MLIP: variants seen among roughly 807,000 people sequenced by gnomAD.
The protein encoded by MLIP is muscular LMNA interacting protein.
Under a neutral mutation model 84.8 loss-of-function variants are expected in MLIP, and 79 were observed. That is an observed-to-expected ratio of 0.93 (90% CI 0.78 to 1.12). The LOEUF (loss-of-function observed/expected upper bound fraction) is 1.12. MLIP is among the 50% of genes most tolerant of loss of function. The pLI is 0.00. For synonymous variants in MLIP, 504 were observed against 463.0 expected (o/e 1.09, Z -1.14); for missense variants, 1,257 against 1,160.6 (o/e 1.08, Z -1.21).
intron 1 of MLIP, among the ~76,000 whole-genome samples, chr6:54,066,896 C>G (rs1766248839): frequency 1.0e-5 from 1 of 98,032 alleles, no homozygotes; most frequent in African/African-American, 2.6e-5. Context: ...AAATGGGAGT[C>G]AATTAAAAAA....
At chr6:54,224,062 A>G (rs2150780322) in intron 11 of MLIP, among the ~76,000 whole-genome samples, 1 of 152,166 alleles carries the variant, frequency 6.6e-6, no homozygotes, top group East Asian at 1.9e-4. Flanking sequence ...ATTTAAGGAG[A>G]AAATCCTTAT....
chr6:54,027,436 C>A (rs558216873), intron 1 of MLIP, among the ~76,000 whole-genome samples: 3 of 150,682 alleles, frequency 2.0e-5, no homozygotes, highest in African/African-American at 7.3e-5. Context: ...TACATAAAAT[C>A]TGTGTGTTAA....
chr6:54,114,774 C>T (rs538022660), intron 1 of MLIP, among the ~76,000 whole-genome samples: 1 of 152,222 alleles, frequency 6.6e-6, no homozygotes, highest in South Asian at 2.1e-4. Context: ...AGAATAGTGC[C>T]TAGCATTTAG....
chr6:54,165,035 CTTA>C (rs1197438745), intron 8 of MLIP, among the ~76,000 whole-genome samples: 4 of 152,016 alleles, frequency 2.6e-5, no homozygotes, highest in Middle Eastern at 3.4e-3. Context: ...TTTCAGATGT[CTTA>C]TTATGTTTCC....
intron 5 of MLIP, among the ~76,000 whole-genome samples, chr6:54,156,806 C>T (rs775788708): frequency 2.6e-5 from 4 of 152,034 alleles, no homozygotes; most frequent in Non-Finnish European, 5.9e-5. Context: ...AGATAAATAT[C>T]ATATTTTCTG....
upstream of MLIP, among the ~76,000 whole-genome samples, chr6:54,109,612 C>G (rs551257895): frequency 2.2e-3 from 328 of 152,194 alleles, 1 homozygote; most frequent in Non-Finnish European, 3.6e-3. Context: ...GTTTCCCTTT[C>G]CCCGTTCTTC....
chr6:54,150,088 T>C (rs531849012), intron 5 of MLIP, among the ~76,000 whole-genome samples: 7 of 152,294 alleles, frequency 4.6e-5, no homozygotes, highest in African/African-American at 1.4e-4. Context: ...TTTATAAATC[T>C]ACATTCTTAT....
chr6:54,046,164 C>A (rs1432518509), intron 1 of MLIP: 1 of 151,996 alleles, frequency 6.6e-6, no homozygotes, highest in Admixed American at 6.6e-5. Context: ...TATCTCTTTT[C>A]CCCCAAGAGT....
At chr6:54,029,917 T>A (rs1764029575) in intron 1 of MLIP, among the ~76,000 whole-genome samples, 1 of 152,150 alleles carries the variant, frequency 6.6e-6, no homozygotes, top group African/African-American at 2.4e-5. Context: ...TTCTCATGTG[T>A]ATAATGGGCT....
At chr6:54,261,503 C>T (rs1468409769) in intron 13 of MLIP, 2 of 860,170 alleles carry the variant, frequency 2.3e-6, no homozygotes, top group Non-Finnish European at 2.8e-6. Flanking sequence ...TTTCTTATTC[C>T]TTCTCTTTGC....
At chr6:54,033,021 T>G (rs9474705) in intron 1 of MLIP, among the ~76,000 whole-genome samples, 4,389 of 152,286 alleles carry the variant, frequency 0.029, 195 homozygotes, top group African/African-American at 0.098. Flanking sequence ...AGTCTAAATA[T>G]TTCAGGACAT....
rs545233805 is a variant in MLIP, at chr6:54,209,956, A to G, written c.2718+7723A>G. ...AAATTGTCATTACTTGTGTTTTCCT[A>G]TACATTCATCTGTGTGAAAGCCTTT... On this transcript the variant is annotated intron_variant, in intron 11 of 13. Transcript: ENST00000502396. Among the ~76,000 whole-genome samples, 55 of 148,378 alleles carry G rather than the reference A, an allele frequency of 3.7e-4. No homozygotes were observed. The South Asian group carries it at 0.011, about 30-fold the overall frequency.
In MLIP at chr6:54,048,014, G is replaced by A. The variant is rs918632239; in HGVS notation, c.63+28923G>A. ...TATAGTAAGTGGTTGATGAGAGAGGGGGAGCAGTGCATAGGACCCCTCTTT... is the reference window on the plus strand; with the variant it reads ...TATAGTAAGTGGTTGATGAGAGAGGAGGAGCAGTGCATAGGACCCCTCTTT... On this transcript the variant is annotated intron_variant, in intron 1 of 12. Coordinates refer to the MLIP transcript ENST00000274897. Among the ~76,000 whole-genome samples, 8 of 152,280 alleles carry A rather than the reference G, an allele frequency of 5.3e-5. No individual in the cohort carries two copies. In the East Asian group the frequency reaches 1.4e-3, roughly 26 times the overall value.
At position 54,035,659 on chromosome 6, in the gene MLIP, T is replaced by A. The variant is rs150528590; in HGVS notation, c.63+16568T>A. 1.4e-3 allele frequency among the ~76,000 whole-genome samples: 210 copies of A among 152,170 alleles called. 1 individual carries two copies. The highest frequency in any genetic ancestry group is 4.8e-3 in the African/African-American group (201 of 41,560). On this transcript the variant is annotated intron_variant, in intron 1 of 12. Coordinates refer to the MLIP transcript ENST00000274897. ...TTATTATTTTTTGTTTTAGCTATTTTAATAGGTGTGTGGTGGTATCTTATC... is the reference window on the plus strand; with the variant it reads ...TTATTATTTTTTGTTTTAGCTATTTAAATAGGTGTGTGGTGGTATCTTATC...
chr6:54,166,104 G>A (rs960541574), intron 8 of MLIP, among the ~76,000 whole-genome samples: 4 of 151,916 alleles, frequency 2.6e-5, no homozygotes, highest in Non-Finnish European at 5.9e-5. Context: ...CGGCCCAAAT[G>A]TGCTAAGACC....
intron 11 of MLIP, among the ~76,000 whole-genome samples, chr6:54,224,266 T>C: frequency 6.6e-6 from 1 of 151,382 alleles, no homozygotes; most frequent in East Asian, 1.9e-4. Flanking sequence ...AACATGAAAA[T>C]AACTAACAAT....
chr6:54,118,243 A>G (rs1345499691), intron 1 of MLIP, among the ~76,000 whole-genome samples: 1 of 152,218 alleles, frequency 6.6e-6, no homozygotes, highest in East Asian at 1.9e-4. Flanking sequence ...AGCTGGAGGG[A>G]TCACACTGCC....
chr6:54,139,125 T>C (rs1210215788), intron 4 of MLIP, among the ~76,000 whole-genome samples: 2 of 152,198 alleles, frequency 1.3e-5, no homozygotes, highest in Non-Finnish European at 2.9e-5. Flanking sequence ...ATACTAGCTT[T>C]CTTTAGAGTG....
At chr6:54,115,809 A>G (rs986616399) in intron 1 of MLIP, among the ~76,000 whole-genome samples, 2 of 152,222 alleles carry the variant, frequency 1.3e-5, no homozygotes, top group Non-Finnish European at 2.9e-5. Flanking sequence ...AAGATAAGCA[A>G]GGAGGACACC....
Sources: allele counts gnomAD v4.1 joint callset (sites outside exome capture counted in the v4.1 genomes callset), GRCh38; gene constraint gnomAD v4.1.1; transcripts MANE v1.5; gene names NCBI Gene and HGNC (gene_info 2026-07-23, HGNC 2026-07-21).